Variants in IRS2 observed in about 807,000 individuals in gnomAD.
IRS2 encodes the protein insulin receptor substrate 2.
IRS2 carries 28 observed loss-of-function variants against 70.9 expected under a neutral mutation model. That is an observed-to-expected ratio of 0.39 (90% CI 0.29 to 0.54). The LOEUF is 0.54. Ranked by LOEUF, IRS2 falls within the 20% of genes least tolerant of loss-of-function variation. The pLI, the probability that IRS2 is intolerant of heterozygous loss-of-function variation, is 0.59. For synonymous variants in IRS2, 1,217 were observed against 981.9 expected (o/e 1.24, Z -4.48); for missense variants, 2,081 against 2,024.1 (o/e 1.03, Z -0.54).
rs778993490 is a variant in IRS2, at chr13:109,783,698, C to T, written c.2356G>A (p.Ala786Thr). 5.6e-5 allele frequency: 88 copies of T among 1,564,962 alleles called. No individual in the cohort carries two copies. The highest frequency in any genetic ancestry group is 7.4e-5 in the Non-Finnish European group (85 of 1,154,946). The change falls in exon 1 of 2, where the codon GCA becomes ACA. Residue 786 changes from alanine to threonine, a missense_variant. Transcript: ENST00000375856. ...GGCTCCCCGCCGGGGTGCAGGGCTG[C>T]GGAGAAGAAGTCGGGCGGGGTGCCC... The part of the protein sequence containing the change: ...TTGTPPDFFS[A>T]ALHPGGEPLR...
chr13:109,783,584 C>G lies in IRS2; in HGVS notation c.2470G>C (p.Val824Leu), dbSNP rs1877797927. The change falls in exon 1 of 2, where the codon GTG becomes CTG. Residue 824 changes from valine (V) to leucine (L), a missense_variant. Physicochemically the swap from Val to Leu is conservative, Grantham distance 32 (BLOSUM62 1). Around this residue, in one of 4 missense-constraint regions of IRS2, gnomAD observed 1,615 missense variants for 1,459.5 expected, o/e 1.11. Coordinates refer to ENST00000375856, the MANE Select transcript of IRS2 (RefSeq NM_003749.3). ...CGCCCCACGGGGGAGCTCATGAGCA[C>G]GTACTGGTCGCTGTCCCCGCCACAG... The part of the protein sequence containing the change: ...YTCGGDSDQY[V>L]LMSSPVGRIL... 1.3e-6 allele frequency: 2 copies of G among 1,546,990 alleles called. No homozygotes were observed. Among genetic ancestry groups the G allele is most frequent in the Admixed American group, 2.0e-5 (1 of 51,050 alleles).
rs1206958909 is a variant in IRS2 at position 109,786,054 on chromosome 13, C to T, written c.-1G>A. On this transcript the variant is annotated 5_prime_UTR_variant, in exon 1 of 2. Transcript: ENST00000375856. This position sits in a 1 kb window ranked among gnomAD's most constrained non-coding sequence, Gnocchi z 4.4. ...GCCCGTGCCGCGGCGGGCTCGCCAT[C>T]GCGGGCGCTTCAGGCCGCGCGGCCC... The T allele has an allele frequency of 1.6e-6, 2 of 1,244,370 alleles. No homozygotes were observed. Among genetic ancestry groups the T allele is most frequent in the Admixed American group, 4.3e-5 (1 of 23,234 alleles). 77.1% of individuals were successfully genotyped at this position (1,244,370 alleles called of 1,614,324 possible).
rs945869654 is a variant in IRS2 at position 109,753,549 on chromosome 13, A to G, written c.*2755T>C. 3.2e-5 allele frequency: 5 copies of G among 154,334 alleles called. No homozygotes were observed. Among genetic ancestry groups the G allele is most frequent in the African/African-American group, 1.2e-4 (5 of 41,540 alleles). The allele number at this position is 154,334 out of a possible 1,614,324, so 9.6% of individuals were successfully genotyped here. ...CCTCCTAAGATTGTCATGAGCTATC[A>G]AGAAGTTAATATTTGTTATGTATTT... On this transcript the variant is annotated 3_prime_UTR_variant, in exon 2 of 2. Transcript: ENST00000375856.
At position 109,763,599 on chromosome 13, in the gene IRS2, T is replaced by C. The variant is rs1306958967; in HGVS notation, c.4013-7291A>G. On this transcript the variant is annotated intron_variant, in intron 1 of 1. Transcript: ENST00000375856. Reference sequence around the variant, plus strand: ...TTCTTGGGTCATTTGAGAATGTGAATGTAAGCATTATGCTTCTGCCCTAAG... The same window carrying C: ...TTCTTGGGTCATTTGAGAATGTGAACGTAAGCATTATGCTTCTGCCCTAAG... Among the ~76,000 whole-genome samples, 2 of 152,364 alleles carry C rather than the reference T, an allele frequency of 1.3e-5. 1 individual carries two copies. The highest frequency in any genetic ancestry group is 6.8e-3 in the Middle Eastern group (2 of 294).
intron 1 of IRS2, among the ~76,000 whole-genome samples, chr13:109,768,905 G>C (rs984940630): frequency 7.9e-5 from 12 of 152,080 alleles, no homozygotes; most frequent in African/African-American, 2.9e-4. Flanking sequence ...TTAAAAAACA[G>C]GGATAACAAC....
At chr13:109,756,901 C>G (rs73606279) in intron 1 of IRS2, among the ~76,000 whole-genome samples, 11,768 of 152,212 alleles carry the variant, frequency 0.077, 1,591 homozygotes, top group African/African-American at 0.27. Context: ...TGAACGTGCC[C>G]AGCAATGGAA....
intron 1 of IRS2, among the ~76,000 whole-genome samples, chr13:109,762,430 G>C (rs983541724): frequency 1.3e-5 from 2 of 152,144 alleles, no homozygotes; most frequent in Non-Finnish European, 2.9e-5. Context: ...GGAAGAACAG[G>C]GTCCTCAACT....
chr13:109,759,540 C>T (rs1877183390), intron 1 of IRS2, among the ~76,000 whole-genome samples: 1 of 152,122 alleles, frequency 6.6e-6, no homozygotes, highest in African/African-American at 2.4e-5. Flanking sequence ...AGCATCAGTA[C>T]TAAGAATTTA....
chr13:109,765,294 A>G (rs958067534), intron 1 of IRS2, among the ~76,000 whole-genome samples: 1 of 152,210 alleles, frequency 6.6e-6, no homozygotes, highest in Admixed American at 6.5e-5. Flanking sequence ...CCAACTATAT[A>G]AAGTTCATTT....
In IRS2 at chr13:109,782,455, G is replaced by A. The variant is rs1023879230; in HGVS notation, c.3599C>T (p.Pro1200Leu). 2 of 1,571,036 alleles carry A rather than the reference G, an allele frequency of 1.3e-6. No homozygotes were observed. The highest frequency in any genetic ancestry group is 1.4e-5 in the African/African-American group (1 of 73,748). The part of the protein sequence containing the change: ...VGVGPGGGDE[P>L]PTSPRQLQPA... ...CTGCAACTGTCGTGGGGAGGTGGGCGGCTCGTCGCCCCCTCCAGGGCCGAC... is the reference window on the plus strand; with the variant it reads ...CTGCAACTGTCGTGGGGAGGTGGGCAGCTCGTCGCCCCCTCCAGGGCCGAC... The change falls in exon 1 of 2, where the codon CCG (proline) becomes CTG (leucine). Residue 1200 changes from proline (P) to leucine (L), a missense_variant. By Grantham distance (98) the Pro-to-Leu change is moderately conservative. Around this residue, in one of 4 missense-constraint regions of IRS2, gnomAD observed 1,615 missense variants for 1,459.5 expected, o/e 1.11. Coordinates refer to ENST00000375856, the MANE Select transcript of IRS2 (RefSeq NM_003749.3).
At chr13:109,775,660 A>G (rs1213770618) in intron 1 of IRS2, among the ~76,000 whole-genome samples, 1 of 151,940 alleles carries the variant, frequency 6.6e-6, no homozygotes, top group Non-Finnish European at 1.5e-5. Flanking sequence ...TTTCAACATG[A>G]ACAAAGAACA....
In IRS2 at chr13:109,768,714, C is replaced by CT. The variant is rs1216935551; in HGVS notation, c.4013-12407dup. Among the ~76,000 whole-genome samples, 750 of 147,354 alleles carry CT rather than the reference C, an allele frequency of 5.1e-3. 5 individuals carry two copies. The highest frequency in any genetic ancestry group is 0.017 in the African/African-American group (669 of 40,434). ...AGTCTGTCAGAGGGAAAGACCTTGTCTTTTTTTTTTTAAATGACGGCTGTG... is the reference window on the plus strand; with the variant it reads ...AGTCTGTCAGAGGGAAAGACCTTGTCTTTTTTTTTTTTAAATGACGGCTGTG... On this transcript the variant is annotated intron_variant, in intron 1 of 1. Transcript: ENST00000375856.
At position 109,768,781 on chromosome 13, in the gene IRS2, C is replaced by T. The variant is rs149606766; in HGVS notation, c.4013-12473G>A. Among the ~76,000 whole-genome samples the T allele has an allele frequency of 1.5e-4, 23 of 152,156 alleles. No individual in the cohort carries two copies. The East Asian group carries it at 4.3e-3, about 28-fold the overall frequency. On this transcript the variant is annotated intron_variant, in intron 1 of 1. Transcript: ENST00000375856. ...AGAATCAGGCAGGAGCCAGGCTTGCCAGGACCACATCCTCTCTCTACAGAC... is the reference window on the plus strand; with the variant it reads ...AGAATCAGGCAGGAGCCAGGCTTGCTAGGACCACATCCTCTCTCTACAGAC...
chr13:109,783,878 C>G lies in IRS2; in HGVS notation c.2176G>C (p.Gly726Arg), dbSNP rs1444778715. The stretch of plus-strand genomic sequence containing the variant: ...TCGGCGGGCGAGCTGGCCTTGTAGC[C>G]GCCCCCGCTCGCCGGGAATGTCCTG... ...AGRTFPASGGGYKASSPAESS... is the reference protein window; with the variant it reads ...AGRTFPASGGRYKASSPAESS... Residue 726 changes from glycine to arginine, a missense_variant, in exon 1 of 2, where the codon GGC (glycine) becomes CGC (arginine). Coordinates refer to ENST00000375856, the MANE Select transcript of IRS2 (RefSeq NM_003749.3). 6.5e-7 allele frequency: 1 copy of G among 1,549,464 alleles called. No homozygotes were observed. Among genetic ancestry groups the G allele is most frequent in the Non-Finnish European group, 8.7e-7 (1 of 1,147,202 alleles).
chr13:109,763,646 A>C (rs1877274780), intron 1 of IRS2, among the ~76,000 whole-genome samples: 1 of 152,244 alleles, frequency 6.6e-6, no homozygotes, highest in African/African-American at 2.4e-5. Flanking sequence ...CAAGTGATAT[A>C]AGGTGCATTA....
chr13:109,773,903 T>A (rs1270980725), intron 1 of IRS2, among the ~76,000 whole-genome samples: 1 of 152,240 alleles, frequency 6.6e-6, no homozygotes, highest in Non-Finnish European at 1.5e-5. Flanking sequence ...CTGAGATGTG[T>A]CATTGTTTGT....
intron 1 of IRS2, among the ~76,000 whole-genome samples, chr13:109,765,115 T>A (rs1877307112): frequency 6.6e-6 from 1 of 152,140 alleles, no homozygotes; most frequent in Non-Finnish European, 1.5e-5. Context: ...CTCCGCCTGG[T>A]CCAGGCCACT....
At position 109,786,042 on chromosome 13, in the gene IRS2, C is replaced by G. The variant is rs1877914424; in HGVS notation, c.12G>C (p.Pro4=). The G allele has an allele frequency of 7.7e-7, 1 of 1,295,426 alleles. No homozygotes were observed. Among genetic ancestry groups the G allele is most frequent in the Non-Finnish European group, 9.7e-7 (1 of 1,026,066 alleles). 80.2% of individuals were successfully genotyped at this position (1,295,426 alleles called of 1,614,324 possible). ...CCGGCCCGGGCGGCCCGTGCCGCGG[C>G]GGGCTCGCCATCGCGGGCGCTTCAG... MAS[P]PRHGPPGPAS... Residue 4 remains proline, a synonymous_variant, in exon 1 of 2, where the codon CCG becomes CCC. Transcript: ENST00000375856. The surrounding 1 kb of genome is among the most constrained non-coding windows in gnomAD (Gnocchi z 4.4).
Position 109,755,975 on chromosome 13 carries a change from T to C in IRS2, c.*329A>G, listed in dbSNP as rs1466425013. On this transcript the variant is annotated 3_prime_UTR_variant, in exon 2 of 2. Coordinates refer to ENST00000375856, the MANE Select transcript of IRS2 (RefSeq NM_003749.3). ...TTGCCAAAAGGAAAAGAAGAAGAAA[T>C]TAAAAGACACTGGCCACAATTTAAG... The C allele has an allele frequency of 2.4e-6, 1 of 411,242 alleles. No homozygotes were observed. Among genetic ancestry groups the C allele is most frequent in the Non-Finnish European group, 4.4e-6 (1 of 224,780 alleles). The allele number at this position is 411,242 out of a possible 1,614,324, so 25.5% of individuals were successfully genotyped here.
Sources: gnomAD v4.1 joint callset for allele counts (sites outside exome capture counted in the v4.1 genomes callset) on GRCh38, gnomAD v4.1.1 for gene constraint, gnomAD v4.1.1 regional missense constraint, Gnocchi (gnomAD v3.1) non-coding constraint, MANE v1.5 for transcripts, NCBI Gene and HGNC (gene_info 2026-07-23, HGNC 2026-07-21) for gene names.